Variants in GABRB3 observed in about 807,000 individuals in gnomAD.
GABRB3 encodes the protein gamma-aminobutyric acid type A receptor subunit beta3.
A neutral mutation model predicts 52.1 loss-of-function variants in GABRB3; 14 were observed. The observed-to-expected ratio is 0.27, with a 90% CI of 0.18 to 0.42. The LOEUF (loss-of-function observed/expected upper bound fraction) is 0.42. Among genes scored for constraint, GABRB3 ranks in the 10% least tolerant of loss-of-function variants. GABRB3 has a pLI of 1.00. For synonymous variants in GABRB3, 260 were observed against 232.3 expected (o/e 1.12, Z -1.08); for missense variants, 307 against 609.1 (o/e 0.50, Z 5.22).
intron 3 of GABRB3, among the ~76,000 whole-genome samples, chr15:26,758,603 C>T (rs2140180291): frequency 6.6e-6 from 1 of 152,218 alleles, no homozygotes; most frequent in East Asian, 1.9e-4. Context: ...TTGACCTTTT[C>T]TTCTTAATCT....
intron 4 of GABRB3, among the ~76,000 whole-genome samples, chr15:26,588,657 G>A (rs568353093): frequency 6.6e-6 from 1 of 152,240 alleles, no homozygotes; most frequent in Admixed American, 6.5e-5. Flanking sequence ...ATAAATTTAT[G>A]TAGACAGAGA....
chr15:26,764,191 T>A (rs1595357425), intron 3 of GABRB3, among the ~76,000 whole-genome samples: 2 of 4,056 alleles, frequency 4.9e-4, no homozygotes, highest in Admixed American at 3.9e-3. Flanking sequence ...TATATATATA[T>A]ATATATATAT....
chr15:26,681,237 C>T (rs1224202301), intron 3 of GABRB3, among the ~76,000 whole-genome samples: 2 of 152,132 alleles, frequency 1.3e-5, no homozygotes, highest in African/African-American at 4.8e-5. Context: ...CTCAAAATGA[C>T]AAGGGGAAGG....
At chr15:26,554,677 G>A (rs1467694199) in intron 8 of GABRB3, among the ~76,000 whole-genome samples, 7 of 152,180 alleles carry the variant, frequency 4.6e-5, no homozygotes, top group African/African-American at 9.6e-5. Flanking sequence ...TACCACGTCC[G>A]CGTCATGGGT....
chr15:26,770,521 T>A (rs868384878), intron 3 of GABRB3, among the ~76,000 whole-genome samples: 1 of 152,196 alleles, frequency 6.6e-6, no homozygotes, highest in Admixed American at 6.5e-5. Flanking sequence ...GTACCAACTA[T>A]CAGCATGATG....
intron 3 of GABRB3, among the ~76,000 whole-genome samples, chr15:26,756,963 A>C (rs982177400): frequency 1.3e-5 from 2 of 152,198 alleles, no homozygotes; most frequent in African/African-American, 4.8e-5. Context: ...CAGAAGGATG[A>C]TGGTAGAAAC....
At chr15:26,725,353 C>G (rs1889742865) in intron 3 of GABRB3, among the ~76,000 whole-genome samples, 1 of 152,134 alleles carries the variant, frequency 6.6e-6, no homozygotes, top group Admixed American at 6.5e-5. Flanking sequence ...CTGTCCCCTC[C>G]ACCTTCCCCT....
At chr15:26,717,458 C>A (rs1595549040) in intron 3 of GABRB3, among the ~76,000 whole-genome samples, 1 of 152,238 alleles carries the variant, frequency 6.6e-6, no homozygotes, top group Non-Finnish European at 1.5e-5. Flanking sequence ...GCTAAGACCA[C>A]ACATCCTAGC....
chr15:26,549,273 G>A (rs1485591391), intron 8 of GABRB3, among the ~76,000 whole-genome samples: 1 of 152,184 alleles, frequency 6.6e-6, no homozygotes, highest in Non-Finnish European at 1.5e-5. Context: ...GAGGTGGTGA[G>A]AGGAGTCCTG....
chr15:26,763,307 G>A (rs112392559), intron 3 of GABRB3, among the ~76,000 whole-genome samples: 12 of 152,014 alleles, frequency 7.9e-5, no homozygotes, highest in African/African-American at 2.4e-4. Flanking sequence ...TTAAAGTTAC[G>A]GTTAATTTTT....
At chr15:26,579,041 A>T (rs1890694163) in intron 6 of GABRB3, among the ~76,000 whole-genome samples, 1 of 152,208 alleles carries the variant, frequency 6.6e-6, no homozygotes, top group African/African-American at 2.4e-5. Flanking sequence ...GGTGTCTTAA[A>T]AATTCAGGCT....
chr15:26,768,432 A>T (rs1891055261), intron 3 of GABRB3, among the ~76,000 whole-genome samples: 1 of 152,210 alleles, frequency 6.6e-6, no homozygotes, highest in Non-Finnish European at 1.5e-5. Flanking sequence ...TAAATTTTTT[A>T]AAACTCATAT....
In GABRB3 at chr15:26,547,717, G is replaced by A. The variant is rs565275585; in HGVS notation, c.*76C>T. 2 of 1,120,544 alleles carry A rather than the reference G, an allele frequency of 1.8e-6. No individual in the cohort carries two copies. Among genetic ancestry groups the A allele is most frequent in the Non-Finnish European group, 2.7e-6 (2 of 738,064 alleles). The allele number at this position is 1,120,544 out of a possible 1,614,324, so 69.4% of individuals were successfully genotyped here. A position where few individuals can be genotyped will look rare whatever the true frequency, so the allele number is the denominator to read the frequency against. ...CTGCTTGTGTGTCTGTGTGTGTACA[G>A]GTATAAAAACTTGACAGGCAGAGTA... On this transcript the variant is annotated 3_prime_UTR_variant, in exon 9 of 9. Transcript: ENST00000311550.
At chr15:26,588,684 TACAC>T (rs1356973049) in intron 4 of GABRB3, among the ~76,000 whole-genome samples, 1 of 152,208 alleles carries the variant, frequency 6.6e-6, no homozygotes, top group Non-Finnish European at 1.5e-5. Context: ...TATTGATACT[TACAC>T]ATATTATAGG....
intron 8 of GABRB3, among the ~76,000 whole-genome samples, chr15:26,554,691 CA>C (rs1889687368): frequency 6.6e-6 from 1 of 152,186 alleles, no homozygotes; most frequent in Admixed American, 6.5e-5. Flanking sequence ...CATGGGTGTG[CA>C]TATTTTGGAA....
intron 3 of GABRB3, among the ~76,000 whole-genome samples, chr15:26,691,886 GT>G (rs1462277291): frequency 1.3e-5 from 2 of 152,088 alleles, no homozygotes; most frequent in African/African-American, 4.8e-5. Context: ...GTATCTTCCA[GT>G]TTTAGCATCC....
At chr15:26,587,793 A>T (rs746783846) in intron 4 of GABRB3, among the ~76,000 whole-genome samples, 9 of 152,158 alleles carry the variant, frequency 5.9e-5, no homozygotes, top group Admixed American at 1.3e-4. Context: ...CCCAACACTC[A>T]CACACATGGT....
intron 3 of GABRB3, among the ~76,000 whole-genome samples, chr15:26,650,017 G>A (rs904926810): frequency 3.3e-5 from 5 of 152,152 alleles, no homozygotes; most frequent in Non-Finnish European, 5.9e-5. Flanking sequence ...GACTGAAACT[G>A]TGCATTTGTA....
At chr15:26,717,485 C>T (rs1415694208) in intron 3 of GABRB3, among the ~76,000 whole-genome samples, 2 of 152,230 alleles carry the variant, frequency 1.3e-5, no homozygotes, top group Non-Finnish European at 1.5e-5. Flanking sequence ...ATTACTTACC[C>T]ATCACCAAAA....
Sources: gnomAD v4.1 joint callset for allele counts (sites outside exome capture counted in the v4.1 genomes callset) on GRCh38, gnomAD v4.1.1 for gene constraint, MANE v1.5 for transcripts, NCBI Gene and HGNC (gene_info 2026-07-23, HGNC 2026-07-21) for gene names.